Variants in ABHD2 observed in about 807,000 individuals in gnomAD.
The protein encoded by ABHD2 is monoacylglycerol lipase ABHD2.
Under a neutral mutation model 48.1 loss-of-function variants are expected in ABHD2, and 20 were observed. The observed-to-expected ratio is 0.42, with a 90% confidence interval of 0.29 to 0.60. ABHD2 has a LOEUF of 0.60. ABHD2 is among the 20% of genes least tolerant of loss of function. The pLI is 0.24. For missense variants in ABHD2, 405 were observed against 550.9 expected, an observed-to-expected ratio of 0.74 and a Z score of 2.65; for synonymous variants, 209 against 214.2, an observed-to-expected ratio of 0.98 and a Z score of 0.21.
chr15:89,141,193 G>A (rs1026687477), intron 3 of ABHD2, among the ~76,000 whole-genome samples: 1 of 151,666 alleles, frequency 6.6e-6, no homozygotes, highest in Non-Finnish European at 1.5e-5. Flanking sequence ...TGTCACCCAG[G>A]CTGGTCTCAA....
chr15:89,179,395 G>A lies in ABHD2; in HGVS notation c.722+3400G>A, dbSNP rs1340882678. On this transcript the variant is annotated intron_variant, in intron 6 of 10. Coordinates refer to ENST00000352732, the MANE Select transcript of ABHD2 (RefSeq NM_152924.5). This position sits in a 1 kb window ranked among gnomAD's most constrained non-coding sequence, Gnocchi z 4.3. ...AGTTCCGCCTCCTGTCAGATCAGCA[G>A]TGACATTAGATTCTCATAGGAGGAT... is the stretch of plus-strand genomic sequence containing the variant. Among the ~76,000 whole-genome samples the A allele has an allele frequency of 2.0e-5, 3 of 152,224 alleles. No homozygotes were observed. The highest frequency in any genetic ancestry group is 4.4e-5 in the Non-Finnish European group (3 of 68,042).
rs539825951 is a variant in ABHD2 at position 89,103,089 on chromosome 15, C to G, written c.-106-10636C>G. ...AGCTAAGACCCTAAAATACATCAAC[C>G]CAGAGGGCTTCCTTTCGAGTTTTTA... On this transcript the variant is annotated intron_variant, in intron 1 of 10. Coordinates refer to ENST00000352732, the MANE Select transcript of ABHD2 (RefSeq NM_152924.5). Among the ~76,000 whole-genome samples, 151 of 152,292 alleles carry G rather than the reference C, an allele frequency of 9.9e-4. No homozygotes were observed. In the Middle Eastern group the frequency reaches 0.017, roughly 17 times the overall value.
At chr15:89,064,222 T>TC in the ABHD2 span, among the ~76,000 whole-genome samples, 1,016 of 142,040 alleles carry the variant, frequency 7.2e-3, 12 homozygotes, top group Non-Finnish European at 0.013. Context: ...TTGTGTCCTT[T>TC]TTTTTTTTTT....
At position 89,151,645 on chromosome 15, in the gene ABHD2, G is replaced by T. The variant is rs376793919; in HGVS notation, c.195-32G>T. On this transcript the variant is annotated intron_variant, in intron 3 of 10. Coordinates refer to ENST00000352732, the MANE Select transcript of ABHD2 (RefSeq NM_152924.5). This position sits in a 1 kb window ranked among gnomAD's most constrained non-coding sequence, Gnocchi z 4.7. ...TTCAGAACGTTGCTCAAGGAATGTA[G>T]AGAAAATTGACCTCCCTTGTCCTTT... The T allele has an allele frequency of 2.5e-6, 4 of 1,581,122 alleles. No homozygotes were observed. Among genetic ancestry groups the T allele is most frequent in the Non-Finnish European group, 3.4e-6 (4 of 1,161,524 alleles).
At chr15:89,064,956 G>A in the ABHD2 span, among the ~76,000 whole-genome samples, 4 of 152,016 alleles carry the variant, frequency 2.6e-5, no homozygotes, top group African/African-American at 4.8e-5. Context: ...CTCATCCCCC[G>A]AGAGGGATCA....
the ABHD2 span, among the ~76,000 whole-genome samples, chr15:89,056,281 C>T: frequency 3.3e-5 from 5 of 152,134 alleles, no homozygotes; most frequent in Admixed American, 3.3e-4. Context: ...GTTAATATTG[C>T]TCACCTCAGG....
At chr15:89,047,881 C>T in the ABHD2 span, among the ~76,000 whole-genome samples, 1 of 145,924 alleles carries the variant, frequency 6.9e-6, no homozygotes, top group African/African-American at 2.6e-5. Context: ...TTAATTGGAG[C>T]ATTTAGTCCA....
chr15:89,160,957 A>C (rs1335027303), intron 5 of ABHD2, among the ~76,000 whole-genome samples: 1 of 152,228 alleles, frequency 6.6e-6, no homozygotes, highest in Non-Finnish European at 1.5e-5. Context: ...TAATTTATAA[A>C]TTAATGTGGA....
chr15:89,148,110 C>T (rs2050526465), intron 3 of ABHD2, among the ~76,000 whole-genome samples: 1 of 104,118 alleles, frequency 9.6e-6, no homozygotes, highest in Non-Finnish European at 1.7e-5. Flanking sequence ...CAGAGTGAGA[C>T]TCCGTCTCAA....
In ABHD2 at chr15:89,102,496, G is replaced by C. The variant is rs111638441; in HGVS notation, c.-106-11229G>C. On this transcript the variant is annotated intron_variant, in intron 1 of 10. Coordinates refer to ENST00000352732, the MANE Select transcript of ABHD2 (RefSeq NM_152924.5). This position sits in a 1 kb window ranked among gnomAD's most constrained non-coding sequence, Gnocchi z 4.8. ...CTCCCAGTGGTACTGATGCCTTTTC[G>C]CAGGTTCTGTCCTCTTCATTTGCAA... 1 of 152,214 alleles carries C rather than the reference G, an allele frequency of 6.6e-6. No individual in the cohort carries two copies. The highest frequency in any genetic ancestry group is 2.4e-5 in the African/African-American group (1 of 41,436). 9.4% of individuals were successfully genotyped at this position (152,214 alleles called of 1,614,324 possible).
At chr15:89,131,566 T>C (rs2050220401) in intron 3 of ABHD2, among the ~76,000 whole-genome samples, 1 of 152,148 alleles carries the variant, frequency 6.6e-6, no homozygotes, top group Admixed American at 6.5e-5. Flanking sequence ...TTTCTGACTA[T>C]TGAGAGACTA....
chr15:89,194,175 A>G (rs1412679980), intron 10 of ABHD2, among the ~76,000 whole-genome samples: 1 of 152,150 alleles, frequency 6.6e-6, no homozygotes, highest in Non-Finnish European at 1.5e-5. Flanking sequence ...CTCTTGTGAC[A>G]GCCTCTCCAT....
the ABHD2 span, among the ~76,000 whole-genome samples, chr15:89,044,430 G>A: frequency 6.6e-6 from 1 of 152,040 alleles, no homozygotes; most frequent in Non-Finnish European, 1.5e-5. Context: ...GTAATGGGAT[G>A]GCTGGGTCAA....
intron 6 of ABHD2, among the ~76,000 whole-genome samples, chr15:89,181,575 C>A (rs983039485): frequency 1.3e-5 from 2 of 152,118 alleles, no homozygotes; most frequent in Admixed American, 6.6e-5. Flanking sequence ...GAACCTCATT[C>A]TCATTCTCCA....
Position 89,195,068 on chromosome 15 carries a change from C to T in ABHD2, c.1082-159C>T, listed in dbSNP as rs2051374602. On this transcript the variant is annotated intron_variant, in intron 10 of 10. Coordinates refer to ENST00000352732, the MANE Select transcript of ABHD2 (RefSeq NM_152924.5). The surrounding 1 kb of genome is among the most constrained non-coding windows in gnomAD (Gnocchi z 5.1). ...CTGCTAGATGCCACTGTCTTGCCTG[C>T]CCCCTCTTTGGTGAACAAGGCAGAG... Among the ~76,000 whole-genome samples, 1 of 152,212 alleles carries T rather than the reference C, an allele frequency of 6.6e-6. No individual in the cohort carries two copies. The highest frequency in any genetic ancestry group is 1.5e-5 in the Non-Finnish European group (1 of 68,020).
chr15:89,048,077 C>G, the ABHD2 span, among the ~76,000 whole-genome samples: 407 of 151,728 alleles, frequency 2.7e-3, 1 homozygote, highest in African/African-American at 9.5e-3. Flanking sequence ...TTCAGGAGCT[C>G]TTTTAGGGCA....
chr15:89,177,169 C>T lies in ABHD2; in HGVS notation c.722+1174C>T, dbSNP rs995614615. ...GACCAAGGTCTGGGTTCTATTTTTCCGTGCCGGCAATATGGGGATGATGAT... is the reference window on the plus strand; with the variant it reads ...GACCAAGGTCTGGGTTCTATTTTTCTGTGCCGGCAATATGGGGATGATGAT... On this transcript the variant is annotated intron_variant, in intron 6 of 10. Transcript: ENST00000352732. The surrounding 1 kb of genome is among the most constrained non-coding windows in gnomAD (Gnocchi z 5.6). Among the ~76,000 whole-genome samples, 5 of 152,104 alleles carry T rather than the reference C, an allele frequency of 3.3e-5. 1 individual carries two copies. In the South Asian group the frequency reaches 1.0e-3, roughly 32 times the overall value.
chr15:89,099,263 G>C (rs1425223350), intron 1 of ABHD2, among the ~76,000 whole-genome samples: 1 of 152,142 alleles, frequency 6.6e-6, no homozygotes, highest in Non-Finnish European at 1.5e-5. Context: ...TACACAAATA[G>C]GACATTTTCT....
At chr15:89,068,473 A>T in the ABHD2 span, among the ~76,000 whole-genome samples, 1 of 152,060 alleles carries the variant, frequency 6.6e-6, no homozygotes. Flanking sequence ...GTCTTCACCC[A>T]CATGTCTGGT....
Sources: gnomAD v4.1 joint callset for allele counts (sites outside exome capture counted in the v4.1 genomes callset) on GRCh38, gnomAD v4.1.1 for gene constraint, Gnocchi (gnomAD v3.1) non-coding constraint, MANE v1.5 for transcripts, NCBI Gene and HGNC (gene_info 2026-07-23, HGNC 2026-07-21) for gene names.